MYBPC3: variants seen among roughly 807,000 people sequenced by gnomAD.
MYBPC3 encodes the protein myosin binding protein C3, also known as myosin-binding protein C, cardiac-type.
MYBPC3 carries 108 observed loss-of-function variants against 159.3 expected under a neutral mutation model. That is an observed-to-expected ratio of 0.68 (90% confidence interval 0.58 to 0.80). MYBPC3 has a LOEUF of 0.80. Ranked by LOEUF, MYBPC3 falls within the 30% of genes least tolerant of loss-of-function variation. The probability of loss-of-function intolerance (pLI) is 0.00; values close to 1 mark genes in which losing one functional copy is unlikely to be tolerated. For missense variants in MYBPC3, 1,631 were observed against 1,762.1 expected (o/e 0.93, Z 1.33); for synonymous variants, 730 against 702.0 (o/e 1.04, Z -0.63).
intron 20 of MYBPC3, 67 bp downstream of exon 20, chr11:47,340,936 G>GGGA (rs2095887798): frequency 4.1e-6 from 6 of 1,447,566 alleles, no homozygotes; most frequent in Non-Finnish European, 5.5e-6. Flanking sequence ...GTGAGTGGAG[G>GGGA]GGAGGCCTGC....
chr11:47,340,441 G>C (rs2095887376), intron 20 of MYBPC3, among the ~76,000 whole-genome samples: 1 of 152,222 alleles, frequency 6.6e-6, no homozygotes, highest in African/African-American at 2.4e-5. Context: ...GAGGCAGGCA[G>C]ATCATGAGAT....
At position 47,332,384 on chromosome 11, in the gene MYBPC3, G is replaced by A. The variant is rs1322660203; in HGVS notation, c.3628-126C>T. The A allele has an allele frequency of 2.8e-6, 4 of 1,422,600 alleles. No individual in the cohort carries two copies. The highest frequency in any genetic ancestry group is 3.9e-6 in the Non-Finnish European group (4 of 1,031,290). 88.1% of individuals were successfully genotyped at this position (1,422,600 alleles called of 1,614,324 possible). A position where few individuals can be genotyped will look rare whatever the true frequency, so the allele number is the denominator to read the frequency against. ...ACGAGAGTCCCTGACTATGCCCAAG[G>A]CTGGAAACAAACATGGAACCAAGAG... On this transcript the variant is annotated intron_variant, in intron 32 of 34. Coordinates refer to ENST00000545968, the MANE Select transcript of MYBPC3 (RefSeq NM_000256.3). This position sits in a 1 kb window ranked among gnomAD's most constrained non-coding sequence, Gnocchi z 4.2.
intron 5 of MYBPC3, among the ~76,000 whole-genome samples, chr11:47,349,533 C>T (rs1006101175): frequency 6.7e-6 from 1 of 148,710 alleles, no homozygotes; most frequent in Non-Finnish European, 1.5e-5. Context: ...GTGATCATGT[C>T]CACCAAGTCT....
chr11:47,347,553 G>T, intron 8 of MYBPC3, 74 bp from the exon 9 acceptor site: 1 of 1,560,594 alleles, frequency 6.4e-7, no homozygotes, highest in Non-Finnish European at 8.7e-7. Context: ...GGAGTGGAGT[G>T]GGGAGGGAGA....
At position 47,332,961 on chromosome 11, in the gene MYBPC3, CGGT is replaced by C. The variant is rs763160213; in HGVS notation, c.3340_3342del (p.Thr1114del). On this transcript the variant is annotated inframe_deletion, in exon 31 of 35. Coordinates refer to ENST00000545968, the MANE Select transcript of MYBPC3 (RefSeq NM_000256.3). This position sits in a 1 kb window ranked among gnomAD's most constrained non-coding sequence, Gnocchi z 4.2. ...TGGGTGCGGCGGTAATGCTCCAAGACGGTGAACCACTCCTGGGGGCAGGGAGGG... is the reference window on the plus strand; with the variant it reads ...TGGGTGCGGCGGTAATGCTCCAAGACGAACCACTCCTGGGGGCAGGGAGGG... The C allele has an allele frequency of 6.2e-7, 1 of 1,610,118 alleles. No individual in the cohort carries two copies. Among genetic ancestry groups the C allele is most frequent in the Non-Finnish European group, 8.5e-7 (1 of 1,178,448 alleles).
Position 47,347,920 on chromosome 11 carries a change from T to G in MYBPC3, c.773-15A>C. 1 of 1,570,178 alleles carries G rather than the reference T, an allele frequency of 6.4e-7. No homozygotes were observed. Among genetic ancestry groups the G allele is most frequent in the Non-Finnish European group, 8.6e-7 (1 of 1,158,194 alleles). On this transcript the variant is annotated splice_polypyrimidine_tract_variant and intron_variant, in intron 6 of 34. Coordinates refer to ENST00000545968, the MANE Select transcript of MYBPC3 (RefSeq NM_000256.3). ...GCCCATGGCCTCTGGGTTCAAAGGG[T>G]GGAGAGATGGGGGAAGGGGCTTCAG...
At chr11:47,343,687 T>C in intron 12 of MYBPC3, 63 bp from the exon 13 acceptor site, 4 of 1,489,212 alleles carry the variant, frequency 2.7e-6, no homozygotes, top group Non-Finnish European at 3.6e-6. Flanking sequence ...CAGGCCAAGC[T>C]ACTGTGGCTG....
At position 47,352,665 on chromosome 11, in the gene MYBPC3, C is replaced by T. The variant is rs770669714; in HGVS notation, c.-18G>A. The T allele has an allele frequency of 6.3e-7, 1 of 1,587,340 alleles. No individual in the cohort carries two copies. Among genetic ancestry groups the T allele is most frequent in the East Asian group, 2.4e-5 (1 of 41,810 alleles). On this transcript the variant is annotated 5_prime_UTR_variant, in exon 1 of 35. Transcript: ENST00000545968. Reference sequence around the variant, plus strand: ...TCAGGCATCCTGAGAGACGTCACACCAGGCACGAAGCAGGCACAGGTCACC... The same window carrying T: ...TCAGGCATCCTGAGAGACGTCACACTAGGCACGAAGCAGGCACAGGTCACC...
Position 47,348,507 on chromosome 11 carries a change from TG to T in MYBPC3, c.688del (p.Gln230SerfsTer70), listed in dbSNP as rs2142866326. The T allele has an allele frequency of 6.2e-7, 1 of 1,613,388 alleles. No individual in the cohort carries two copies. The highest frequency in any genetic ancestry group is 8.5e-7 in the Non-Finnish European group (1 of 1,179,664). ...GCGGTAGCTGCCAGTGAAGGCAGGC[TG>T]GGCATCGGTGATGTGCAGCTCGAAC... is the stretch of plus-strand genomic sequence containing the variant. ...YLFELHITDA[Q>X]PAFTGSYRCE... On this transcript the variant is annotated frameshift_variant, in exon 6 of 35. Coordinates refer to ENST00000545968, the MANE Select transcript of MYBPC3 (RefSeq NM_000256.3). LOFTEE classifies it high-confidence loss of function.
At chr11:47,335,623 G>C (rs1371303930) in intron 26 of MYBPC3, 1 of 397,274 alleles carries the variant, frequency 2.5e-6, no homozygotes, top group African/African-American at 2.1e-5. Flanking sequence ...CATCGCGCCT[G>C]GCCTTAAATA....
At position 47,346,096 on chromosome 11, in the gene MYBPC3, C is replaced by T; in HGVS notation, c.1090+111G>A. On this transcript the variant is annotated intron_variant, in intron 12 of 34. Transcript: ENST00000545968. The surrounding 1 kb of genome is among the most constrained non-coding windows in gnomAD (Gnocchi z 5.3). ...TATGTGGACGAGGTGGGGGGCTAAC[C>T]TGTGCCCTCTCCTCTCCCCTGTGGG... is the stretch of plus-strand genomic sequence containing the variant. 1 of 1,449,268 alleles carries T rather than the reference C, an allele frequency of 6.9e-7. No individual in the cohort carries two copies. 89.8% of individuals were successfully genotyped at this position (1,449,268 alleles called of 1,614,324 possible).
At position 47,338,723 on chromosome 11, in the gene MYBPC3, G is replaced by T; in HGVS notation, c.2149-44C>A. 1 of 1,559,734 alleles carries T rather than the reference G, an allele frequency of 6.4e-7. No individual in the cohort carries two copies. ...GGGGTGAGATCCAAGTCAGACCCCA[G>T]AGGCCCTTGCAGCCTCCGCCAACAG... On this transcript the variant is annotated intron_variant, in intron 22 of 34. Coordinates refer to ENST00000545968, the MANE Select transcript of MYBPC3 (RefSeq NM_000256.3). This position sits in a 1 kb window ranked among gnomAD's most constrained non-coding sequence, Gnocchi z 4.7.
rs775237084 is a variant in MYBPC3, at chr11:47,343,563, G to A, written c.1152C>T (p.Thr384=). The A allele has an allele frequency of 1.8e-5, 29 of 1,609,564 alleles. No individual in the cohort carries two copies. In the East Asian group the frequency reaches 2.2e-4, roughly 12 times the overall value. The change falls in exon 13 of 35, where the codon ACC becomes ACT. Residue 384 remains threonine, a synonymous_variant. Transcript: ENST00000545968. ...QVSKGHKIRL[T]VELADHDAEV... ...CAGCGTCATGGTCAGCCAGTTCCAC[G>A]GTCAGCCGGATCTTGTGGCCTTTGC...
intron 7 of MYBPC3, 44 bp downstream of exon 7, chr11:47,347,813 A>G (rs1164906555): frequency 6.4e-7 from 1 of 1,552,120 alleles, no homozygotes; most frequent in African/African-American, 1.4e-5. Flanking sequence ...AGGGCCTCAG[A>G]CTCCAGCACT....
chr11:47,341,171 C>A lies in MYBPC3; in HGVS notation c.1864G>T (p.Ala622Ser). ...ADYSFVPEGF[A>S]CNLSAKLHFM... ...TGGAGCTTGGCTGACAGGTTGCAGG[C>A]GAAGCCCTCGGGCACAAAGCTGTAG... Residue 622 changes from alanine (A) to serine (S), a missense_variant, in exon 19 of 35, where the codon GCC becomes TCC. Physicochemically the swap from Ala to Ser is moderately conservative, Grantham distance 99 (BLOSUM62 1). Transcript: ENST00000545968. 1 of 1,595,222 alleles carries A rather than the reference C, an allele frequency of 6.3e-7. No homozygotes were observed. The highest frequency in any genetic ancestry group is 8.5e-7 in the Non-Finnish European group (1 of 1,170,956).
chr11:47,352,509 G>A (rs1033602423), intron 1 of MYBPC3, 114 bp downstream of exon 1: 6 of 1,385,534 alleles, frequency 4.3e-6, no homozygotes, highest in African/African-American at 1.5e-5. Context: ...CTGTCCTGGG[G>A]CTCAGAGGCC....
At chr11:47,333,825 C>G in intron 28 of MYBPC3, 73 bp from the exon 29 acceptor site, 2 of 1,548,172 alleles carry the variant, frequency 1.3e-6, no homozygotes, top group Non-Finnish European at 1.7e-6. Flanking sequence ...CCTCTGGTAC[C>G]TCAGATCAGG....
At chr11:47,333,047 C>G in intron 30 of MYBPC3, 74 bp from the exon 31 acceptor site, 1 of 1,542,702 alleles carries the variant, frequency 6.5e-7, no homozygotes, top group Non-Finnish European at 8.8e-7. Context: ...CCTGGGTGCC[C>G]TTGGCATCTC....
chr11:47,346,194 A>G lies in MYBPC3; in HGVS notation c.1090+13T>C. 1 of 1,613,022 alleles carries G rather than the reference A, an allele frequency of 6.2e-7. No individual in the cohort carries two copies. Among genetic ancestry groups the G allele is most frequent in the Non-Finnish European group, 8.5e-7 (1 of 1,179,582 alleles). ...CCTGTGCCCTCTCCTCTCCCCTCTG[A>G]GGAAGGGCTAACCTGTGCTCTTCTT... On this transcript the variant is annotated intron_variant, in intron 12 of 34. Coordinates refer to ENST00000545968, the MANE Select transcript of MYBPC3 (RefSeq NM_000256.3). This position sits in a 1 kb window ranked among gnomAD's most constrained non-coding sequence, Gnocchi z 5.3.
Sources: allele counts gnomAD v4.1 joint callset (sites outside exome capture counted in the v4.1 genomes callset), GRCh38; gene constraint gnomAD v4.1.1; non-coding constraint Gnocchi (gnomAD v3.1); transcripts MANE v1.5; gene names NCBI Gene and HGNC (gene_info 2026-07-23, HGNC 2026-07-21).